RORA: variants seen among roughly 807,000 people sequenced by gnomAD.
RORA encodes RAR related orphan receptor A, also known as nuclear receptor ROR-alpha.
RORA carries 7 observed loss-of-function variants against 69.5 expected under a neutral mutation model. The observed-to-expected ratio is 0.10, with a 90% confidence interval of 0.06 to 0.19. RORA has a LOEUF of 0.19. RORA is among the 10% of genes least tolerant of loss of function. The pLI, the probability that RORA is intolerant of heterozygous loss-of-function variation, is 1.00. For missense variants in RORA, 457 were observed against 663.0 expected, an observed-to-expected ratio of 0.69 and a Z score of 3.41; for synonymous variants, 261 against 240.8, an observed-to-expected ratio of 1.08 and a Z score of -0.78.
At chr15:60,814,459 A>C (rs1400687241) in intron 1 of RORA, among the ~76,000 whole-genome samples, 1 of 152,222 alleles carries the variant, frequency 6.6e-6, no homozygotes, top group African/African-American at 2.4e-5. Context: ...TGTCTAGTGC[A>C]GTTCCTAATA....
At chr15:60,714,299 T>A (rs963986904) in intron 1 of RORA, among the ~76,000 whole-genome samples, 1 of 152,058 alleles carries the variant, frequency 6.6e-6, no homozygotes. Flanking sequence ...CCCCAGGTGA[T>A]CCACTGGTCT....
At chr15:61,103,287 T>C (rs1409441497) in intron 1 of RORA, among the ~76,000 whole-genome samples, 2 of 152,150 alleles carry the variant, frequency 1.3e-5, no homozygotes, top group Non-Finnish European at 2.9e-5. Flanking sequence ...GGAGGGAGCC[T>C]TCACCATGAC....
chr15:60,933,689 G>A (rs1038642071), intron 1 of RORA, among the ~76,000 whole-genome samples: 4 of 152,284 alleles, frequency 2.6e-5, no homozygotes, highest in Admixed American at 2.6e-4. Context: ...ATACACATCT[G>A]TACTAATGAA....
intron 5 of RORA, among the ~76,000 whole-genome samples, chr15:60,510,997 C>T (rs921544329): frequency 1.3e-5 from 2 of 152,100 alleles, no homozygotes; most frequent in Non-Finnish European, 2.9e-5. Flanking sequence ...AGACTGCTTC[C>T]GTTGGTTTTG....
chr15:61,124,242 C>T lies in RORA; in HGVS notation c.166+104811G>A, dbSNP rs148292515. On this transcript the variant is annotated intron_variant, in intron 1 of 10. Transcript: ENST00000335670. ...TATCGGGGCTCAGGGATAATGCAAA[C>T]ATCAGGAAAATACTATTTTTATATT... Among the ~76,000 whole-genome samples, 544 of 152,318 alleles carry T rather than the reference C, an allele frequency of 3.6e-3. 2 individuals are homozygous for T. Among genetic ancestry groups the T allele is most frequent in the Non-Finnish European group, 5.6e-3 (378 of 68,028 alleles).
At chr15:61,036,540 G>C (rs1326070069) in intron 1 of RORA, among the ~76,000 whole-genome samples, 1 of 152,078 alleles carries the variant, frequency 6.6e-6, no homozygotes, top group Non-Finnish European at 1.5e-5. Flanking sequence ...CACTGACTGG[G>C]CCCTTAATTG....
chr15:61,038,065 A>C (rs1407792625), intron 1 of RORA, among the ~76,000 whole-genome samples: 1 of 152,242 alleles, frequency 6.6e-6, no homozygotes, highest in East Asian at 1.9e-4. Flanking sequence ...CATTTAAAAA[A>C]AAACCAAGTA....
At chr15:61,173,796 T>C (rs897413967) in intron 1 of RORA, among the ~76,000 whole-genome samples, 2 of 152,120 alleles carry the variant, frequency 1.3e-5, no homozygotes. Context: ...GCTGGGACTA[T>C]AGGCATGTGG....
chr15:60,566,316 A>C (rs750129243), intron 2 of RORA, among the ~76,000 whole-genome samples: 14 of 152,222 alleles, frequency 9.2e-5, no homozygotes, highest in Admixed American at 2.6e-4. Context: ...TTAGTAAAAA[A>C]TCATAGATGT....
At chr15:60,910,474 G>C (rs1891673598) in intron 1 of RORA, among the ~76,000 whole-genome samples, 1 of 152,210 alleles carries the variant, frequency 6.6e-6, no homozygotes, top group South Asian at 2.1e-4. Flanking sequence ...ATAGAGTAGA[G>C]CATTTTAACT....
chr15:61,053,848 G>GATATATATATAT (rs3053963), intron 1 of RORA, among the ~76,000 whole-genome samples: 1,489 of 90,922 alleles, frequency 0.016, 241 homozygotes, highest in African/African-American at 0.056. Flanking sequence ...TAGACTTCAT[G>GATATATATATAT]ATATATATAT....
At chr15:60,571,919 A>G (rs2140455211) in intron 2 of RORA, among the ~76,000 whole-genome samples, 1 of 152,348 alleles carries the variant, frequency 6.6e-6, no homozygotes, top group South Asian at 2.1e-4. Flanking sequence ...AATCCATGAA[A>G]AAGTACAAGA....
At chr15:60,823,662 G>T (rs987558691) in intron 1 of RORA, among the ~76,000 whole-genome samples, 1 of 152,196 alleles carries the variant, frequency 6.6e-6, no homozygotes, top group Non-Finnish European at 1.5e-5. Context: ...ACAAGCATAT[G>T]TAATAGGCAC....
chr15:61,208,627 T>A (rs1485966884), intron 1 of RORA, among the ~76,000 whole-genome samples: 1 of 152,206 alleles, frequency 6.6e-6, no homozygotes, highest in African/African-American at 2.4e-5. Context: ...CCTTTAAAAA[T>A]CACAGGATTA....
At chr15:60,734,461 T>C (rs932649240) in intron 1 of RORA, among the ~76,000 whole-genome samples, 3 of 152,214 alleles carry the variant, frequency 2.0e-5, no homozygotes, top group Non-Finnish European at 4.4e-5. Flanking sequence ...TTATTTTATA[T>C]ATCAGTTTTG....
chr15:60,755,746 T>C (rs1195211717), intron 1 of RORA, among the ~76,000 whole-genome samples: 4 of 152,206 alleles, frequency 2.6e-5, no homozygotes, highest in Admixed American at 6.5e-5. Flanking sequence ...TTGTTCTTCA[T>C]GGAAACGATC....
At chr15:60,957,608 T>C (rs907285075) in intron 1 of RORA, among the ~76,000 whole-genome samples, 4 of 152,214 alleles carry the variant, frequency 2.6e-5, no homozygotes, top group Non-Finnish European at 4.4e-5. Context: ...GAGGGGGCTA[T>C]AGTTCAGTGA....
chr15:61,116,963 C>G (rs1180499515), intron 1 of RORA, among the ~76,000 whole-genome samples: 1 of 152,148 alleles, frequency 6.6e-6, no homozygotes, highest in African/African-American at 2.4e-5. Flanking sequence ...CTCTGAGGCT[C>G]TCATCTTGCC....
intron 1 of RORA, among the ~76,000 whole-genome samples, chr15:61,103,254 A>C (rs1225735402): frequency 1.3e-5 from 2 of 152,192 alleles, no homozygotes; most frequent in Non-Finnish European, 2.9e-5. Flanking sequence ...TGTGAGCATC[A>C]GCAGGCTGCT....
Sources: gnomAD v4.1 joint callset for allele counts (sites outside exome capture counted in the v4.1 genomes callset) on GRCh38, gnomAD v4.1.1 for gene constraint, MANE v1.5 for transcripts, NCBI Gene and HGNC (gene_info 2026-07-23, HGNC 2026-07-21) for gene names.